Variants in NAALADL2 observed in about 807,000 individuals in gnomAD.
The protein encoded by NAALADL2 is N-acetylated alpha-linked acidic dipeptidase like 2.
A neutral mutation model predicts 87.2 loss-of-function variants in NAALADL2; 76 were observed. The ratio of observed to expected loss-of-function variants is 0.87; its 90% CI spans 0.72 to 1.05. The LOEUF is 1.05. Among genes scored for constraint, NAALADL2 ranks in the 50% least tolerant of loss-of-function variants. The pLI is 0.00. For synonymous variants in NAALADL2, 354 were observed against 331.0 expected (o/e 1.07, Z -0.75); for missense variants, 1,089 against 945.8 (o/e 1.15, Z -1.99).
rs114161944 is a variant in NAALADL2, at chr3:175,622,637, G to A, written c.1801-4654G>A. On this transcript the variant is annotated intron_variant, in intron 10 of 13. Transcript: ENST00000454872. ...CAGAATCTAGTCAGATAAAGCTTCT[G>A]AATTTCAGTCTTCTCATCCATAAAG... is the stretch of plus-strand genomic sequence containing the variant. 6.7e-3 allele frequency among the ~76,000 whole-genome samples: 1,025 copies of A among 152,138 alleles called. 8 individuals carry two copies. Among genetic ancestry groups the A allele is most frequent in the African/African-American group, 0.024 (984 of 41,496 alleles).
intron 1 of NAALADL2, among the ~76,000 whole-genome samples, chr3:174,493,210 A>G (rs190199698): frequency 6.6e-6 from 1 of 152,276 alleles, no homozygotes; most frequent in African/African-American, 2.4e-5. Context: ...TCAGAATGTA[A>G]CCCGATTTGG....
intron 2 of NAALADL2, among the ~76,000 whole-genome samples, chr3:174,681,950 C>T (rs1727583919): frequency 6.6e-6 from 1 of 152,146 alleles, no homozygotes; most frequent in South Asian, 2.1e-4. Context: ...GCATTCACTA[C>T]AAGCTAACTG....
chr3:175,464,335 A>T (rs1262825304), intron 7 of NAALADL2, among the ~76,000 whole-genome samples: 1 of 151,826 alleles, frequency 6.6e-6, no homozygotes, highest in Admixed American at 6.6e-5. Context: ...GAGACAGGAG[A>T]ATCGCTTGAA....
intron 2 of NAALADL2, among the ~76,000 whole-genome samples, chr3:174,595,096 A>C (rs1717752677): frequency 6.6e-6 from 1 of 151,992 alleles, no homozygotes. Context: ...GCATAAAAAC[A>C]CTCATCATGG....
At chr3:175,300,657 G>A (rs980933954) in intron 4 of NAALADL2, among the ~76,000 whole-genome samples, 2 of 151,520 alleles carry the variant, frequency 1.3e-5, no homozygotes, top group Admixed American at 6.6e-5. Context: ...ATTTTATTGT[G>A]TCTATTTGAT....
At chr3:175,708,438 G>A (rs1023995967) in intron 11 of NAALADL2, among the ~76,000 whole-genome samples, 12 of 151,976 alleles carry the variant, frequency 7.9e-5, no homozygotes, top group African/African-American at 2.4e-4. Flanking sequence ...ACTAAGAGAA[G>A]CAGTCAGATT....
chr3:175,148,324 T>C (rs959589321), intron 2 of NAALADL2, among the ~76,000 whole-genome samples: 6 of 151,946 alleles, frequency 3.9e-5, no homozygotes, highest in African/African-American at 1.4e-4. Context: ...AAGTTCTTTA[T>C]AGACTCTGGA....
chr3:174,552,651 C>T (rs189929210), intron 2 of NAALADL2, among the ~76,000 whole-genome samples: 1 of 151,728 alleles, frequency 6.6e-6, no homozygotes. Context: ...CCAAAATTAG[C>T]TGGATGTGGT....
chr3:175,512,984 T>C (rs1233023306), intron 9 of NAALADL2, among the ~76,000 whole-genome samples: 1 of 152,168 alleles, frequency 6.6e-6, no homozygotes, highest in African/African-American at 2.4e-5. Flanking sequence ...AAAAAACATA[T>C]TCAGAAGCAA....
intron 2 of NAALADL2, among the ~76,000 whole-genome samples, chr3:175,122,291 G>A (rs1281445560): frequency 6.6e-6 from 1 of 151,808 alleles, no homozygotes; most frequent in Admixed American, 6.6e-5. Flanking sequence ...CTTTATTTAT[G>A]CACTGGAAAA....
At chr3:174,601,196 G>C (rs1718425690) in intron 2 of NAALADL2, among the ~76,000 whole-genome samples, 1 of 151,956 alleles carries the variant, frequency 6.6e-6, no homozygotes, top group Non-Finnish European at 1.5e-5. Flanking sequence ...TCTATTTTTA[G>C]TTTTTTGAGA....
At chr3:175,787,420 C>A (rs569641459) in intron 13 of NAALADL2, among the ~76,000 whole-genome samples, 3 of 152,156 alleles carry the variant, frequency 2.0e-5, no homozygotes, top group Non-Finnish European at 1.5e-5. Flanking sequence ...TGTGGTGCGC[C>A]GTTTTTTAAG....
chr3:174,847,113 A>G (rs1724709751), intron 3 of NAALADL2, among the ~76,000 whole-genome samples: 1 of 152,208 alleles, frequency 6.6e-6, no homozygotes, highest in Non-Finnish European at 1.5e-5. Flanking sequence ...GAGATCCAGA[A>G]GAGAGAAAAT....
At chr3:175,025,808 GTTTA>G (rs1752149626) in intron 1 of NAALADL2, among the ~76,000 whole-genome samples, 1 of 151,904 alleles carries the variant, frequency 6.6e-6, no homozygotes, top group African/African-American at 2.4e-5. Context: ...TTTCAGTTTT[GTTTA>G]TTTGTTTGTT....
intron 1 of NAALADL2, among the ~76,000 whole-genome samples, chr3:174,491,883 T>C (rs1047897045): frequency 3.3e-5 from 5 of 152,212 alleles, no homozygotes; most frequent in Non-Finnish European, 7.3e-5. Flanking sequence ...TGAATGTTTA[T>C]TTTTTCTCTA....
intron 3 of NAALADL2, among the ~76,000 whole-genome samples, chr3:174,769,764 C>T (rs1714294271): frequency 6.6e-6 from 1 of 150,944 alleles, no homozygotes; most frequent in African/African-American, 2.4e-5. Context: ...AAGTTTTTTT[C>T]TCTTTTCTTA....
At chr3:174,749,938 G>T (rs1366555612) in intron 3 of NAALADL2, among the ~76,000 whole-genome samples, 1 of 152,134 alleles carries the variant, frequency 6.6e-6, no homozygotes, top group Non-Finnish European at 1.5e-5. Context: ...GAAGTGCTAT[G>T]AAATTTTTAA....
At chr3:174,935,663 C>G (rs912128567) in intron 1 of NAALADL2, among the ~76,000 whole-genome samples, 2 of 151,956 alleles carry the variant, frequency 1.3e-5, no homozygotes, top group Non-Finnish European at 2.9e-5. Flanking sequence ...CAATTGTAAA[C>G]TTTTGGTATG....
chr3:174,881,612 CT>C (rs1315914465), intron 1 of NAALADL2, among the ~76,000 whole-genome samples: 1 of 152,066 alleles, frequency 6.6e-6, no homozygotes, highest in African/African-American at 2.4e-5. Context: ...GTTTATTATG[CT>C]TGTTTTTATT....
Sources: allele counts gnomAD v4.1 joint callset (sites outside exome capture counted in the v4.1 genomes callset), GRCh38; gene constraint gnomAD v4.1.1; transcripts MANE v1.5; gene names NCBI Gene and HGNC (gene_info 2026-07-23, HGNC 2026-07-21).